PCBP3: variants seen among roughly 807,000 people sequenced by gnomAD.
PCBP3 encodes poly(rC)-binding protein 3.
Under a neutral mutation model 52.7 loss-of-function variants are expected in PCBP3, and 25 were observed. The ratio of observed to expected loss-of-function variants is 0.47; its 90% CI spans 0.35 to 0.66. The LOEUF is 0.66. Ranked by LOEUF, PCBP3 falls within the 30% of genes least tolerant of loss-of-function variation. The probability of loss-of-function intolerance (pLI) is 0.01; values close to 1 mark genes in which losing one functional copy is unlikely to be tolerated. For synonymous variants in PCBP3, 162 were observed against 183.0 expected (o/e 0.89, Z 0.93); for missense variants, 391 against 490.3 (o/e 0.80, Z 1.91).
chr21:45,898,954 C>G (rs562187971), intron 6 of PCBP3, among the ~76,000 whole-genome samples: 1 of 152,312 alleles, frequency 6.6e-6, no homozygotes, highest in South Asian at 2.1e-4. Flanking sequence ...TCCACGGGCC[C>G]CTCTGCATGC....
intron 4 of PCBP3, among the ~76,000 whole-genome samples, chr21:45,818,405 G>A (rs961254222): frequency 3.3e-5 from 5 of 152,134 alleles, no homozygotes; most frequent in African/African-American, 9.7e-5. Flanking sequence ...CCAGTGACAC[G>A]TGTCCCTGTC....
Position 45,805,192 on chromosome 21 carries a change from G to A in PCBP3, c.-125-44769G>A, listed in dbSNP as rs2092452625. On this transcript the variant is annotated intron_variant, in intron 4 of 17. Coordinates refer to ENST00000681687, the MANE Select transcript of PCBP3 (RefSeq NM_001384156.1). This position sits in a 1 kb window ranked among gnomAD's most constrained non-coding sequence, Gnocchi z 4.6. ...GGCACTATGCCACAGCCACACCCCT[G>A]TGGCCTGGCCCCCATGGCAGGGTCT... 2.0e-5 allele frequency among the ~76,000 whole-genome samples: 3 copies of A among 152,186 alleles called. No homozygotes were observed. The highest frequency in any genetic ancestry group is 6.5e-5 in the Admixed American group (1 of 15,288).
At chr21:45,681,028 A>T (rs1418270336) in intron 2 of PCBP3, among the ~76,000 whole-genome samples, 1 of 152,146 alleles carries the variant, frequency 6.6e-6, no homozygotes, top group Non-Finnish European at 1.5e-5. Context: ...GAAGGGGCAA[A>T]TGCTGCGTCC....
intron 2 of PCBP3, among the ~76,000 whole-genome samples, chr21:45,678,736 T>G (rs1603244789): frequency 1.3e-5 from 2 of 151,888 alleles, no homozygotes; most frequent in South Asian, 4.2e-4. Flanking sequence ...GAAGATGCTG[T>G]GAACATTGTT....
Position 45,671,248 on chromosome 21 carries a change from C to T in PCBP3, c.-200+2296C>T, listed in dbSNP as rs79142989. Among the ~76,000 whole-genome samples, 97 of 152,292 alleles carry T rather than the reference C, an allele frequency of 6.4e-4. No homozygotes were observed. The East Asian group carries it at 0.018, about 28-fold the overall frequency. ...TTCGCCTTGGCACACCCTTCTTTCACGACTGTCATGCACTCATCTCTCCAG... is the reference window on the plus strand; with the variant it reads ...TTCGCCTTGGCACACCCTTCTTTCATGACTGTCATGCACTCATCTCTCCAG... On this transcript the variant is annotated intron_variant, in intron 2 of 17. Transcript: ENST00000681687.
At chr21:45,902,329 C>T (rs2096079266) in intron 9 of PCBP3, among the ~76,000 whole-genome samples, 1 of 150,544 alleles carries the variant, frequency 6.6e-6, no homozygotes, top group Non-Finnish European at 1.5e-5. Context: ...GACACTGGGG[C>T]CAGTGTTCCC....
chr21:45,895,315 G>A (rs56303116), intron 5 of PCBP3, among the ~76,000 whole-genome samples: 65 of 152,338 alleles, frequency 4.3e-4, no homozygotes, highest in African/African-American at 1.6e-3. Context: ...GCAGTGTCCA[G>A]GCAGCTCGAT....
intron 2 of PCBP3, among the ~76,000 whole-genome samples, chr21:45,709,024 G>T (rs2083645928): frequency 6.6e-6 from 1 of 152,240 alleles, no homozygotes; most frequent in South Asian, 2.1e-4. Context: ...GCTAGCGGCA[G>T]AACTTTTGGA....
At chr21:45,700,087 C>A (rs561024318) in intron 2 of PCBP3, among the ~76,000 whole-genome samples, 1 of 152,292 alleles carries the variant, frequency 6.6e-6, no homozygotes, top group South Asian at 2.1e-4. Flanking sequence ...AGGGACAGGA[C>A]CCATGCATGC....
intron 3 of PCBP3, chr21:45,750,479 A>T (rs2087366043): frequency 7.2e-6 from 1 of 139,192 alleles, no homozygotes; most frequent in African/African-American, 2.7e-5. Flanking sequence ...GTCCTCGAGG[A>T]TTTTGTGCTC....
chr21:45,891,452 T>C (rs1400286602), intron 5 of PCBP3, among the ~76,000 whole-genome samples: 1 of 152,236 alleles, frequency 6.6e-6, no homozygotes, highest in African/African-American at 2.4e-5. Flanking sequence ...TGGATACATC[T>C]TCTATAAATA....
At chr21:45,717,130 A>T (rs752997499) in intron 2 of PCBP3, among the ~76,000 whole-genome samples, 4 of 152,050 alleles carry the variant, frequency 2.6e-5, no homozygotes, top group Non-Finnish European at 4.4e-5. Flanking sequence ...TGGATTTTTT[A>T]AAATTTTATT....
At chr21:45,746,031 C>T (rs1230123144) in intron 3 of PCBP3, among the ~76,000 whole-genome samples, 1 of 140,810 alleles carries the variant, frequency 7.1e-6, no homozygotes, top group Non-Finnish European at 1.5e-5. Context: ...ATTGACGTAG[C>T]ACACACGGTG....
At chr21:45,840,512 A>G (rs1488697042) in intron 4 of PCBP3, among the ~76,000 whole-genome samples, 2 of 152,134 alleles carry the variant, frequency 1.3e-5, no homozygotes, top group African/African-American at 4.8e-5. Flanking sequence ...TGAAGAAAGA[A>G]AAATATTTTC....
intron 17 of PCBP3, among the ~76,000 whole-genome samples, chr21:45,940,929 C>A (rs548018917): frequency 2.0e-5 from 3 of 152,236 alleles, no homozygotes; most frequent in African/African-American, 7.2e-5. Context: ...TGGGACGGGA[C>A]GGGATGGGAC....
intron 1 of PCBP3, among the ~76,000 whole-genome samples, chr21:45,652,703 A>T (rs2079770345): frequency 1.3e-5 from 2 of 152,132 alleles, no homozygotes; most frequent in East Asian, 1.9e-4. Flanking sequence ...TCGGCCTCCC[A>T]CAGTGCTGGG....
chr21:45,707,932 G>C (rs1434051395), intron 2 of PCBP3, among the ~76,000 whole-genome samples: 1 of 152,204 alleles, frequency 6.6e-6, no homozygotes, highest in Non-Finnish European at 1.5e-5. Context: ...CCAGGAAGCT[G>C]GTCTTCCCAG....
rs75644025 is a variant in PCBP3, at chr21:45,802,856, G to A, written c.-125-47105G>A. Among the ~76,000 whole-genome samples the A allele has an allele frequency of 0.011, 1,724 of 152,324 alleles. 50 individuals carry two copies. The highest frequency in any genetic ancestry group is 0.039 in the African/African-American group (1,612 of 41,560). On this transcript the variant is annotated intron_variant, in intron 4 of 17. Coordinates refer to ENST00000681687, the MANE Select transcript of PCBP3 (RefSeq NM_001384156.1). The surrounding 1 kb of genome is among the most constrained non-coding windows in gnomAD (Gnocchi z 5.1). ...CCACACACAGGCCACGGAGGGAAAA[G>A]CTTTTAACCCTTGTCGTGTATAAAC...
rs546730198 is a variant in PCBP3, at chr21:45,844,613, G to T, written c.-125-5348G>T. Among the ~76,000 whole-genome samples, 49 of 152,132 alleles carry T rather than the reference G, an allele frequency of 3.2e-4. No individual in the cohort carries two copies. The South Asian group carries it at 9.1e-3, about 28-fold the overall frequency. On this transcript the variant is annotated intron_variant, in intron 4 of 17. Coordinates refer to ENST00000681687, the MANE Select transcript of PCBP3 (RefSeq NM_001384156.1). ...GCTCCCTGCCAATGGTGCTCCCCGC[G>T]GCATGGTTCCACGCGCACCACAAGG...
Sources: allele counts gnomAD v4.1 joint callset (sites outside exome capture counted in the v4.1 genomes callset), GRCh38; gene constraint gnomAD v4.1.1; non-coding constraint Gnocchi (gnomAD v3.1); transcripts MANE v1.5; gene names NCBI Gene and HGNC (gene_info 2026-07-23, HGNC 2026-07-21).